The following CHN2 variants were observed in gnomAD, a reference collection of about 807,000 sequenced individuals.
CHN2 encodes the protein chimerin 2.
A neutral mutation model predicts 56.3 loss-of-function variants in CHN2; 35 were observed. The ratio of observed to expected loss-of-function variants is 0.62; its 90% CI spans 0.47 to 0.82. The LOEUF is 0.82. Among genes scored for constraint, CHN2 ranks in the 40% least tolerant of loss-of-function variants. The pLI is 0.00. For synonymous variants in CHN2, 210 were observed against 212.8 expected, an observed-to-expected ratio of 0.99 and a Z score of 0.12; for missense variants, 491 against 580.5, an observed-to-expected ratio of 0.85 and a Z score of 1.58.
At chr7:29,160,654 G>A (rs1562800844) in intron 2 of CHN2, among the ~76,000 whole-genome samples, 1 of 152,108 alleles carries the variant, frequency 6.6e-6, no homozygotes, top group Non-Finnish European at 1.5e-5. Flanking sequence ...CCTAATTTGG[G>A]TGGTGTGTTG....
intron 1 of CHN2, among the ~76,000 whole-genome samples, chr7:29,321,566 CTTTCT>C (rs1393099557): frequency 4.8e-4 from 54 of 111,434 alleles, no homozygotes; most frequent in Non-Finnish European, 8.4e-4. Context: ...TTCTTTCTTT[CTTTCT>C]TTTTTTTTTT....
intron 1 of CHN2, among the ~76,000 whole-genome samples, chr7:29,317,687 A>G (rs941306532): frequency 6.6e-6 from 1 of 152,204 alleles, no homozygotes; most frequent in Non-Finnish European, 1.5e-5. Flanking sequence ...CATTAGAAAC[A>G]TAGGTAAGAC....
intron 6 of CHN2, among the ~76,000 whole-genome samples, chr7:29,427,343 A>G (rs561392278): frequency 8.5e-4 from 129 of 152,242 alleles, no homozygotes; most frequent in African/African-American, 3.0e-3. Context: ...AGGATTCATG[A>G]TTATCCACCT....
intron 1 of CHN2, among the ~76,000 whole-genome samples, chr7:29,195,857 C>G: frequency 6.6e-6 from 1 of 151,908 alleles, no homozygotes; most frequent in Admixed American, 6.6e-5. Context: ...AGAGGCAGAC[C>G]CACTGGTTTC....
chr7:29,312,385 A>G (rs897083314), intron 1 of CHN2, among the ~76,000 whole-genome samples: 1 of 152,172 alleles, frequency 6.6e-6, no homozygotes, highest in Non-Finnish European at 1.5e-5. Context: ...ATCAAAACTC[A>G]TCAAGCACAA....
intron 6 of CHN2, chr7:29,479,587 C>A: frequency 1.2e-6 from 1 of 826,488 alleles, no homozygotes; most frequent in Non-Finnish European, 1.5e-6. Flanking sequence ...TAAGATTAAA[C>A]AGTCATCAGG....
At chr7:29,410,447 GT>G (rs199828216) in intron 6 of CHN2, among the ~76,000 whole-genome samples, 13 of 151,068 alleles carry the variant, frequency 8.6e-5, no homozygotes, top group African/African-American at 1.2e-4. Context: ...TTGATTAAAG[GT>G]TTTTTTTTAA....
chr7:29,483,604 CAA>C (rs1397431424), intron 7 of CHN2, among the ~76,000 whole-genome samples: 1 of 152,140 alleles, frequency 6.6e-6, no homozygotes, highest in Non-Finnish European at 1.5e-5. Flanking sequence ...AACTGTTTGT[CAA>C]GAGAAAAACC....
At chr7:29,195,040 T>C in intron 1 of CHN2, 50 bp downstream of exon 1, 2 of 1,559,344 alleles carry the variant, frequency 1.3e-6, no homozygotes, top group South Asian at 1.2e-5. Flanking sequence ...CTCGCCCCAC[T>C]GCCCTCGCCC....
intron 1 of CHN2, among the ~76,000 whole-genome samples, chr7:29,342,985 G>T (rs1387681204): frequency 6.6e-6 from 1 of 152,206 alleles, no homozygotes; most frequent in Non-Finnish European, 1.5e-5. Context: ...GCCAGTTAGG[G>T]CGTAAGCTCT....
At chr7:29,482,809 T>TTTTTTTTTTTTTG (rs1787446693) in intron 7 of CHN2, among the ~76,000 whole-genome samples, 1 of 19,634 alleles carries the variant, frequency 5.1e-5, no homozygotes, top group Non-Finnish European at 9.0e-5. Flanking sequence ...TTTTTTTTTT[T>TTTTTTTTTTTTTG]TTTTTTTTTT....
intron 1 of CHN2, among the ~76,000 whole-genome samples, chr7:29,217,651 GC>G (rs1785446258): frequency 6.6e-6 from 1 of 152,058 alleles, no homozygotes; most frequent in East Asian, 1.9e-4. Context: ...TGTCTTTAAG[GC>G]CCTGAAGTCC....
At chr7:29,241,669 A>G (rs1292036499) in intron 1 of CHN2, among the ~76,000 whole-genome samples, 2 of 152,048 alleles carry the variant, frequency 1.3e-5, no homozygotes, top group Non-Finnish European at 2.9e-5. Flanking sequence ...AGGAAAGGGC[A>G]AAGCTGGGCA....
intron 1 of CHN2, among the ~76,000 whole-genome samples, chr7:29,198,908 G>A (rs567184278): frequency 6.6e-6 from 1 of 152,254 alleles, no homozygotes; most frequent in South Asian, 2.1e-4. Context: ...GGAACCCTGG[G>A]GATAAGAAGT....
intron 6 of CHN2, among the ~76,000 whole-genome samples, chr7:29,454,734 A>G (rs1023912783): frequency 6.6e-6 from 1 of 152,192 alleles, no homozygotes; most frequent in African/African-American, 2.4e-5. Flanking sequence ...CCACGTGGCC[A>G]TCCTAACTTC....
chr7:29,256,136 T>C (rs916462545), intron 1 of CHN2, among the ~76,000 whole-genome samples: 1 of 152,228 alleles, frequency 6.6e-6, no homozygotes, highest in Non-Finnish European at 1.5e-5. Context: ...CTTTCACCTT[T>C]AGGTTGTGGT....
upstream of CHN2, chr7:29,194,118 C>T (rs1783249769): frequency 6.5e-6 from 1 of 152,696 alleles, no homozygotes; most frequent in Non-Finnish European, 1.5e-5. Flanking sequence ...CCTTCGCCCT[C>T]TGGATCCCCC....
intron 6 of CHN2, among the ~76,000 whole-genome samples, chr7:29,426,238 G>T (rs1374412588): frequency 2.7e-5 from 4 of 147,638 alleles, no homozygotes; most frequent in African/African-American, 5.0e-5. Context: ...AGAGTGGACT[G>T]CAAGAGAGGT....
intron 1 of CHN2, among the ~76,000 whole-genome samples, chr7:29,300,990 T>G (rs1165755213): frequency 2.7e-5 from 4 of 150,284 alleles, no homozygotes; most frequent in Non-Finnish European, 5.9e-5. Flanking sequence ...AATGAGTATC[T>G]TTCCATTTTC....
Sources: gnomAD v4.1 joint callset for allele counts (sites outside exome capture counted in the v4.1 genomes callset) on GRCh38, gnomAD v4.1.1 for gene constraint, MANE v1.5 for transcripts, NCBI Gene and HGNC (gene_info 2026-07-23, HGNC 2026-07-21) for gene names.